Variants in STXBP5L observed in about 807,000 individuals in gnomAD.
The protein encoded by STXBP5L is syntaxin binding protein 5L, also known as syntaxin-binding protein 5-like.
A neutral mutation model predicts 144.5 loss-of-function variants in STXBP5L; 65 were observed. The observed-to-expected ratio is 0.45, with a 90% confidence interval of 0.37 to 0.55. STXBP5L has a LOEUF of 0.55. Among genes scored for constraint, STXBP5L ranks in the 20% least tolerant of loss-of-function variants. STXBP5L has a pLI of 0.00. For synonymous variants in STXBP5L, 505 were observed against 469.6 expected (o/e 1.08, Z -0.97); for missense variants, 1,298 against 1,405.5 (o/e 0.92, Z 1.22).
chr3:121,399,263 A>T (rs747945993), intron 22 of STXBP5L, among the ~76,000 whole-genome samples: 6 of 152,108 alleles, frequency 3.9e-5, no homozygotes, highest in Non-Finnish European at 5.9e-5. Flanking sequence ...CACCATGGGG[A>T]TTGCTTTAAG....
intron 20 of STXBP5L, among the ~76,000 whole-genome samples, chr3:121,373,642 C>T (rs990520746): frequency 1.3e-5 from 2 of 152,154 alleles, no homozygotes; most frequent in Non-Finnish European, 2.9e-5. Flanking sequence ...TGATCTAGCA[C>T]ATCAGAGAGG....
intron 3 of STXBP5L, among the ~76,000 whole-genome samples, chr3:120,989,961 A>T (rs1021679547): frequency 1.3e-5 from 2 of 152,128 alleles, no homozygotes; most frequent in Admixed American, 6.6e-5. Context: ...TGGCCAGGAC[A>T]ATCAGGCAGG....
chr3:121,275,825 T>G (rs1462293363), intron 18 of STXBP5L, among the ~76,000 whole-genome samples: 1 of 152,168 alleles, frequency 6.6e-6, no homozygotes, highest in Non-Finnish European at 1.5e-5. Context: ...TTTGTCTATA[T>G]TAGTATAGTC....
At chr3:121,398,099 C>G (rs141537688) in intron 22 of STXBP5L, among the ~76,000 whole-genome samples, 2 of 152,204 alleles carry the variant, frequency 1.3e-5, no homozygotes, top group African/African-American at 4.8e-5. Flanking sequence ...TTCCCACATA[C>G]GGCACAATCA....
intron 19 of STXBP5L, among the ~76,000 whole-genome samples, chr3:121,310,924 C>T (rs1378064173): frequency 6.6e-6 from 1 of 151,602 alleles, no homozygotes; most frequent in South Asian, 2.1e-4. Flanking sequence ...AAAAAAGACA[C>T]CATTAAGCAA....
chr3:121,307,775 T>G (rs970546875), intron 19 of STXBP5L, among the ~76,000 whole-genome samples: 6 of 152,012 alleles, frequency 3.9e-5, no homozygotes, highest in African/African-American at 1.4e-4. Flanking sequence ...AAATAATGAC[T>G]GAAAACTTCC....
chr3:121,041,253 T>G (rs900661679), intron 3 of STXBP5L, among the ~76,000 whole-genome samples: 1 of 152,118 alleles, frequency 6.6e-6, no homozygotes, highest in Admixed American at 6.6e-5. Context: ...CTTTATGATC[T>G]CTGAGTTTTA....
At chr3:121,020,125 A>G (rs1945438855) in intron 3 of STXBP5L, among the ~76,000 whole-genome samples, 1 of 152,326 alleles carries the variant, frequency 6.6e-6, no homozygotes, top group Admixed American at 6.5e-5. Context: ...AGAAAATTAC[A>G]AAATGCACTG....
chr3:121,352,479 CTG>C (rs1259065962), intron 20 of STXBP5L, among the ~76,000 whole-genome samples: 1 of 152,014 alleles, frequency 6.6e-6, no homozygotes, highest in Non-Finnish European at 1.5e-5. Flanking sequence ...ATTTGGCTCT[CTG>C]TTTGTCTGTT....
At chr3:121,168,600 G>T (rs534861673) in intron 9 of STXBP5L, among the ~76,000 whole-genome samples, 2 of 152,088 alleles carry the variant, frequency 1.3e-5, no homozygotes, top group African/African-American at 2.4e-5. Flanking sequence ...AGAGATTGAA[G>T]ATCAGCTTAA....
intron 11 of STXBP5L, among the ~76,000 whole-genome samples, chr3:121,229,621 T>A (rs2049237615): frequency 2.0e-5 from 3 of 152,178 alleles, no homozygotes. Flanking sequence ...AGTGGCATGA[T>A]CATGGCTCAC....
chr3:121,080,379 T>A (rs2042199976), intron 5 of STXBP5L, among the ~76,000 whole-genome samples: 1 of 152,146 alleles, frequency 6.6e-6, no homozygotes, highest in South Asian at 2.1e-4. Flanking sequence ...GTTGCCTAAA[T>A]ACTTTGTTTT....
rs148321041 is a variant in STXBP5L, at chr3:121,227,368, T to A, written c.1111+4211T>A. On this transcript the variant is annotated intron_variant, in intron 11 of 26. Transcript: ENST00000471454. ...GGCTGTGTGGGAGAATAGCTTGAGC[T>A]CAGGATTTCAAGACCAGCCTGCACA... Among the ~76,000 whole-genome samples the A allele has an allele frequency of 1.1e-4, 16 of 152,208 alleles. No individual in the cohort carries two copies. The East Asian group carries it at 3.1e-3, about 29-fold the overall frequency.
chr3:120,982,242 T>C (rs1941849879), intron 3 of STXBP5L, among the ~76,000 whole-genome samples: 1 of 152,148 alleles, frequency 6.6e-6, no homozygotes, highest in Non-Finnish European at 1.5e-5. Flanking sequence ...TTTCAGGTGA[T>C]GGGCCGGTCT....
At chr3:121,389,403 T>C (rs952461726) in intron 22 of STXBP5L, among the ~76,000 whole-genome samples, 1 of 152,256 alleles carries the variant, frequency 6.6e-6, no homozygotes, top group Non-Finnish European at 1.5e-5. Flanking sequence ...GCTCTGATCT[T>C]AGTTATTTCT....
chr3:121,225,564 G>A (rs1227207420), intron 11 of STXBP5L, among the ~76,000 whole-genome samples: 1 of 152,068 alleles, frequency 6.6e-6, no homozygotes, highest in Non-Finnish European at 1.5e-5. Flanking sequence ...ATTGGAAGGG[G>A]ATCAGTAAAG....
At chr3:120,987,132 T>G (rs912686595) in intron 3 of STXBP5L, among the ~76,000 whole-genome samples, 2 of 152,002 alleles carry the variant, frequency 1.3e-5, no homozygotes, top group African/African-American at 4.8e-5. Flanking sequence ...CACATTATAA[T>G]CAGACTTTAA....
At chr3:121,311,250 C>G (rs954402249) in intron 19 of STXBP5L, among the ~76,000 whole-genome samples, 2 of 152,148 alleles carry the variant, frequency 1.3e-5, no homozygotes, top group Admixed American at 1.3e-4. Context: ...AATTGGAACT[C>G]CCGTAAGTTG....
intron 19 of STXBP5L, among the ~76,000 whole-genome samples, chr3:121,305,873 G>A (rs989088475): frequency 1.8e-4 from 27 of 152,048 alleles, no homozygotes; most frequent in Non-Finnish European, 3.7e-4. Context: ...ATGGTATGAT[G>A]GTGTATGTAG....
Sources: gnomAD v4.1 joint callset for allele counts (sites outside exome capture counted in the v4.1 genomes callset) on GRCh38, gnomAD v4.1.1 for gene constraint, MANE v1.5 for transcripts, NCBI Gene and HGNC (gene_info 2026-07-23, HGNC 2026-07-21) for gene names.